SCN7A: variants seen among roughly 807,000 people sequenced by gnomAD.
SCN7A encodes sodium voltage-gated channel alpha subunit 7.
SCN7A carries 138 observed loss-of-function variants against 155.2 expected under a neutral mutation model. That is an observed-to-expected ratio of 0.89 (90% CI 0.77 to 1.02). SCN7A has a LOEUF of 1.02. Among genes scored for constraint, SCN7A ranks in the 50% least tolerant of loss-of-function variants. The pLI, the probability that SCN7A is intolerant of heterozygous loss-of-function variation, is 0.00. For synonymous variants in SCN7A, 693 were observed against 649.0 expected (o/e 1.07, Z -1.03); for missense variants, 2,058 against 1,986.6 (o/e 1.04, Z -0.68).
intron 20 of SCN7A, among the ~76,000 whole-genome samples, chr2:166,417,531 A>T (rs1025904576): frequency 6.6e-6 from 1 of 152,028 alleles, no homozygotes; most frequent in African/African-American, 2.4e-5. Context: ...GTACTAAAAA[A>T]TCATTAAATG....
At chr2:166,415,579 G>T (rs1701358638) in intron 21 of SCN7A, among the ~76,000 whole-genome samples, 1 of 152,102 alleles carries the variant, frequency 6.6e-6, no homozygotes, top group Non-Finnish European at 1.5e-5. Flanking sequence ...ACCCTGAACA[G>T]AGGGACTGGC....
In SCN7A at chr2:166,405,796, G is replaced by C. The variant is rs1701056904; in HGVS notation, c.4833C>G (p.Ile1611Met). The C allele has an allele frequency of 2.5e-6, 4 of 1,612,890 alleles. No individual in the cohort carries two copies. The highest frequency in any genetic ancestry group is 3.3e-5 in the Admixed American group (2 of 59,856). ...SGFLLANPFK[I>M]TCEPITTTLK... ...AAGTAGTCGTAATTGGCTCACATGT[G>C]ATCTTAAAAGGGTTGGCTAACAAAA... Residue 1611 changes from isoleucine to methionine, a missense_variant, in exon 26 of 26, where the codon ATC (isoleucine) becomes ATG (methionine). By Grantham distance (10) the Ile-to-Met change is conservative. Coordinates refer to ENST00000643258, the MANE Select transcript of SCN7A (RefSeq NM_002976.4).
chr2:166,418,107 T>C (rs1701418425), intron 20 of SCN7A, among the ~76,000 whole-genome samples: 1 of 150,842 alleles, frequency 6.6e-6, no homozygotes, highest in Non-Finnish European at 1.5e-5. Flanking sequence ...TTCTCTTAGC[T>C]TTTTTATTTT....
intron 15 of SCN7A, among the ~76,000 whole-genome samples, chr2:166,437,959 C>T (rs1165842338): frequency 6.6e-6 from 1 of 151,950 alleles, no homozygotes; most frequent in Non-Finnish European, 1.5e-5. Flanking sequence ...TGGACTTGGA[C>T]TTTTAAGTTA....
chr2:166,417,105 A>C (rs894074062), intron 20 of SCN7A, 120 bp from the exon 21 acceptor site: 4 of 758,230 alleles, frequency 5.3e-6, no homozygotes, highest in Non-Finnish European at 8.3e-6. Flanking sequence ...TTAAAAGGCC[A>C]TATCTAAAGA....
At chr2:166,472,199 G>T in intron 6 of SCN7A, 118 bp downstream of exon 6, 3 of 959,150 alleles carry the variant, frequency 3.1e-6, no homozygotes, top group Non-Finnish European at 4.5e-6. Flanking sequence ...TAACTTTGAA[G>T]TATTCTTCAC....
intron 9 of SCN7A, among the ~76,000 whole-genome samples, chr2:166,464,209 T>G (rs1702478012): frequency 2.0e-5 from 3 of 151,658 alleles, no homozygotes; most frequent in African/African-American, 7.3e-5. Context: ...TGTATATATA[T>G]ACACACATAC....
intron 3 of SCN7A, among the ~76,000 whole-genome samples, chr2:166,475,209 G>T (rs1055759019): frequency 5.3e-4 from 77 of 146,480 alleles, no homozygotes; most frequent in African/African-American, 1.9e-3. Context: ...AAATCTTATT[G>T]TGGGGTATAA....
At chr2:166,448,724 T>C (rs1359811127) in intron 11 of SCN7A, among the ~76,000 whole-genome samples, 3 of 152,218 alleles carry the variant, frequency 2.0e-5, no homozygotes, top group African/African-American at 7.2e-5. Flanking sequence ...GGTTGTGGTA[T>C]GATCCATATT....
Position 166,423,367 on chromosome 2 carries a change from C to G in SCN7A, c.2919G>C (p.Met973Ile). Residue 973 changes from methionine (M) to isoleucine (I), a missense_variant, in exon 19 of 26, where the codon ATG (methionine) becomes ATC (isoleucine). Met to Ile is a conservative substitution (Grantham distance 10). Transcript: ENST00000643258. ...CCAGAATGAAGATATAAGTAAAGATCATGTCAGCATATTCTAATAAAATTT... is the reference window on the plus strand; with the variant it reads ...CCAGAATGAAGATATAAGTAAAGATGATGTCAGCATATTCTAATAAAATTT... ...TIKILLEYAD[M>I]IFTYIFILEM... 1 of 1,610,224 alleles carries G rather than the reference C, an allele frequency of 6.2e-7. No individual in the cohort carries two copies. Among genetic ancestry groups the G allele is most frequent in the Non-Finnish European group, 8.5e-7 (1 of 1,178,368 alleles).
chr2:166,427,505 A>G (rs1701648677), intron 18 of SCN7A, among the ~76,000 whole-genome samples: 2 of 151,838 alleles, frequency 1.3e-5, no homozygotes, highest in Middle Eastern at 3.4e-3. Flanking sequence ...TCCGGTATCT[A>G]TTCACATTCC....
Position 166,432,385 on chromosome 2 carries a change from T to C in SCN7A, c.2525A>G (p.Glu842Gly). Residue 842 changes from glutamate (E) to glycine (G), a missense_variant, in exon 16 of 26, where the codon GAA becomes GGA. Coordinates refer to ENST00000643258, the MANE Select transcript of SCN7A (RefSeq NM_002976.4). ...VSETVPIASG[E>G]SDIENLDNKE... ...ATTATCCAGATTTTCTATATCAGAT[T>C]CTCCTGAAGCAATTGGTACAGTTTC... 7 of 1,613,274 alleles carry C rather than the reference T, an allele frequency of 4.3e-6. No individual in the cohort carries two copies. Among genetic ancestry groups the C allele is most frequent in the Non-Finnish European group, 5.9e-6 (7 of 1,179,536 alleles).
chr2:166,464,170 GTATA>G lies in SCN7A; in HGVS notation c.941+1288_941+1291del, dbSNP rs758242022. On this transcript the variant is annotated intron_variant, in intron 9 of 25. Coordinates refer to ENST00000643258, the MANE Select transcript of SCN7A (RefSeq NM_002976.4). ...TACACATATATATACACATATGTGT[GTATA>G]TATATGTGTATATATGTATGTGTGT... is the stretch of plus-strand genomic sequence containing the variant. 2.7e-3 allele frequency among the ~76,000 whole-genome samples: 413 copies of G among 150,274 alleles called. 2 individuals carry two copies. Among genetic ancestry groups the G allele is most frequent in the Admixed American group, 0.01 (155 of 15,168 alleles).
intron 11 of SCN7A, among the ~76,000 whole-genome samples, chr2:166,449,095 T>C (rs940879095): frequency 6.6e-6 from 1 of 152,196 alleles, no homozygotes; most frequent in African/African-American, 2.4e-5. Context: ...GTAAGACAGT[T>C]AAAACTCCCA....
chr2:166,454,516 T>C (rs899181356), intron 11 of SCN7A, among the ~76,000 whole-genome samples: 11 of 152,200 alleles, frequency 7.2e-5, no homozygotes, highest in African/African-American at 2.7e-4. Context: ...AAAAGGGTTA[T>C]ATACAGGGGA....
In SCN7A at chr2:166,405,598, A is replaced by T. The variant is rs1253997726; in HGVS notation, c.5031T>A (p.Pro1677=). The T allele has an allele frequency of 2.5e-6, 4 of 1,589,046 alleles. No homozygotes were observed. In the African/African-American group the frequency reaches 5.4e-5, roughly 22 times the overall value. Residue 1677 remains proline, a synonymous_variant, in exon 26 of 26, where the codon CCT becomes CCA. Transcript: ENST00000643258. ...AYFDKAKEKS[P]IQSQI is the part of the protein sequence containing the mutation. ...AGTGGTATTAGATCTGGCTTTGAAT[A>T]GGTGACTTTTCCTTAGCTTTGTCAA... is the stretch of plus-strand genomic sequence containing the variant.
Position 166,405,596 on chromosome 2 carries a change from A to ATAGG in SCN7A, c.5029_5032dup (p.Ile1678ThrfsTer21), listed in dbSNP as rs1175752073. 2 of 1,588,298 alleles carry ATAGG rather than the reference A, an allele frequency of 1.3e-6. No homozygotes were observed. The highest frequency in any genetic ancestry group is 1.7e-6 in the Non-Finnish European group (2 of 1,168,654). ...TAAGTGGTATTAGATCTGGCTTTGAATAGGTGACTTTTCCTTAGCTTTGTC... is the reference window on the plus strand; with the variant it reads ...TAAGTGGTATTAGATCTGGCTTTGAATAGGTAGGTGACTTTTCCTTAGCTTTGTC... On this transcript the variant is annotated frameshift_variant, in exon 26 of 26. Coordinates refer to ENST00000643258, the MANE Select transcript of SCN7A (RefSeq NM_002976.4). LOFTEE classifies it high-confidence loss of function.
intron 10 of SCN7A, among the ~76,000 whole-genome samples, chr2:166,459,339 GC>G (rs1277450190): frequency 6.6e-5 from 10 of 151,744 alleles, no homozygotes; most frequent in African/African-American, 2.4e-5. Flanking sequence ...GCTAACTATG[GC>G]CCCTATTTCA....
chr2:166,412,595 C>G lies in SCN7A; in HGVS notation c.3541G>C (p.Val1181Leu), dbSNP rs1242158497. The G allele has an allele frequency of 5.9e-6, 9 of 1,519,832 alleles. No homozygotes were observed. Among genetic ancestry groups the G allele is most frequent in the South Asian group, 1.3e-5 (1 of 75,034 alleles). 94.1% of individuals were successfully genotyped at this position (1,519,832 alleles called of 1,614,324 possible). The part of the protein sequence containing the change: ...CYFINFIIFG[V>L]FLPLSMLITV... ...ATCAGCATACTCAGAGGGAGAAATA[C>G]TCCAAATATAATAAAGTTGATAAAG... The change falls in exon 23 of 26, where the codon GTA (valine) becomes CTA (leucine). Residue 1181 changes from valine to leucine, a missense_variant. Coordinates refer to ENST00000643258, the MANE Select transcript of SCN7A (RefSeq NM_002976.4).
Sources: allele counts gnomAD v4.1 joint callset (sites outside exome capture counted in the v4.1 genomes callset), GRCh38; gene constraint gnomAD v4.1.1; transcripts MANE v1.5; gene names NCBI Gene and HGNC (gene_info 2026-07-23, HGNC 2026-07-21).